Variants in SCN2A observed in about 807,000 individuals in gnomAD.
SCN2A encodes the protein sodium voltage-gated channel alpha subunit 2.
A neutral mutation model predicts 188.7 loss-of-function variants in SCN2A; 20 were observed. The ratio of observed to expected loss-of-function variants is 0.11; its 90% CI spans 0.07 to 0.15. The LOEUF (loss-of-function observed/expected upper bound fraction) is 0.15, where lower values mean the gene tolerates loss of function less well. Ranked by LOEUF, SCN2A falls within the 10% of genes least tolerant of loss-of-function variation. The pLI, the probability that SCN2A is intolerant of heterozygous loss-of-function variation, is 1.00. For synonymous variants in SCN2A, 804 were observed against 833.1 expected, an observed-to-expected ratio of 0.97 and a Z score of 0.60; for missense variants, 1,278 against 2,445.0, an observed-to-expected ratio of 0.52 and a Z score of 10.07.
chr2:165,241,020 A>C (rs1487080093), intron 1 of SCN2A: 2 of 152,138 alleles, frequency 1.3e-5, no homozygotes, highest in Non-Finnish European at 2.9e-5. Flanking sequence ...AATTACAATA[A>C]GGCAAGGCTA....
chr2:165,315,541 A>G lies in SCN2A; in HGVS notation c.1454A>G (p.Glu485Gly), dbSNP rs1697696075. 1 of 1,614,060 alleles carries G rather than the reference A, an allele frequency of 6.2e-7. No individual in the cohort carries two copies. Among genetic ancestry groups the G allele is most frequent in the African/African-American group, 1.3e-5 (1 of 75,044 alleles). ...SGAGGIGVFS[E>G]SSSVASKLSS... ...GCTGGTGGGATAGGAGTTTTTTCAG[A>G]GAGTTCTTCAGTAGCATCTAAGTTG... Residue 485 changes from glutamate (E) to glycine (G), a missense_variant, in exon 11 of 27, where the codon GAG becomes GGG. Physicochemically the swap from Glu to Gly is moderately conservative, Grantham distance 98. This residue lies in a region of SCN2A where 315 missense variants were observed against 386.6 expected (regional missense o/e 0.81). Transcript: ENST00000375437.
In SCN2A at chr2:165,389,896, A is replaced by G; in HGVS notation, c.*72A>G. Reference sequence around the variant, plus strand: ...GTGATGGTGATGTGTTTGTGTCAACAGGACTCCCACAGGAGGTCTATGCCA... The same window carrying G: ...GTGATGGTGATGTGTTTGTGTCAACGGGACTCCCACAGGAGGTCTATGCCA... On this transcript the variant is annotated 3_prime_UTR_variant, in exon 27 of 27. Transcript: ENST00000375437. The surrounding 1 kb of genome is among the most constrained non-coding windows in gnomAD (Gnocchi z 4.2). 6.5e-7 allele frequency: 1 copy of G among 1,537,084 alleles called. No individual in the cohort carries two copies. The highest frequency in any genetic ancestry group is 1.2e-5 in the South Asian group (1 of 82,616).
At chr2:165,375,924 A>C (rs1297540258) in intron 22 of SCN2A, among the ~76,000 whole-genome samples, 1 of 151,914 alleles carries the variant, frequency 6.6e-6, no homozygotes, top group Non-Finnish European at 1.5e-5. Flanking sequence ...ATTCACCTGG[A>C]GGAAATTAAG....
intron 3 of SCN2A, among the ~76,000 whole-genome samples, chr2:165,305,009 A>G (rs562850575): frequency 6.6e-6 from 1 of 152,378 alleles, no homozygotes; most frequent in South Asian, 2.1e-4. Flanking sequence ...GGAGACTGCA[A>G]TAATCTAGAT....
chr2:165,332,522 A>G (rs1280329684), intron 14 of SCN2A, among the ~76,000 whole-genome samples: 2 of 152,050 alleles, frequency 1.3e-5, no homozygotes, highest in Middle Eastern at 3.2e-3. Context: ...AACTGTATCC[A>G]TGAGAAATTA....
At chr2:165,289,373 A>C (rs353138) in intron 1 of SCN2A, among the ~76,000 whole-genome samples, 26,534 of 152,010 alleles carry the variant, frequency 0.17, 2,507 homozygotes, top group Middle Eastern at 0.28. Flanking sequence ...ATCGAAAGGA[A>C]AACATTATAG....
chr2:165,303,507 C>T (rs1696954055), intron 3 of SCN2A, among the ~76,000 whole-genome samples: 1 of 151,942 alleles, frequency 6.6e-6, no homozygotes, highest in South Asian at 2.1e-4. Context: ...GATCTCCTGA[C>T]CTCGTGATCC....
In SCN2A at chr2:165,367,200, T is replaced by G; in HGVS notation, c.3521-17T>G. ...AAGAGTAATTTTTTGTCTTCATTTT[T>G]TTCCCACATATTTTAGACTGTGTAC... On this transcript the variant is annotated splice_polypyrimidine_tract_variant and intron_variant, in intron 18 of 26. Transcript: ENST00000375437. 1 of 1,613,960 alleles carries G rather than the reference T, an allele frequency of 6.2e-7. No individual in the cohort carries two copies. Among genetic ancestry groups the G allele is most frequent in the Non-Finnish European group, 8.5e-7 (1 of 1,179,914 alleles).
intron 14 of SCN2A, 132 bp from the exon 15 acceptor site, chr2:165,342,164 A>C: frequency 1.4e-6 from 1 of 729,284 alleles, no homozygotes; most frequent in East Asian, 2.7e-5. Context: ...GTAGATACTA[A>C]GTTGTTGGAC....
chr2:165,350,397 C>G (rs1359521889), intron 16 of SCN2A, among the ~76,000 whole-genome samples: 2 of 150,408 alleles, frequency 1.3e-5, no homozygotes, highest in South Asian at 2.1e-4. Context: ...ATTTACTGAG[C>G]TAGCACATTT....
At chr2:165,255,354 A>G (rs1482186200) in intron 1 of SCN2A, among the ~76,000 whole-genome samples, 1 of 152,076 alleles carries the variant, frequency 6.6e-6, no homozygotes, top group Non-Finnish European at 1.5e-5. Flanking sequence ...CTACCCTTAC[A>G]TAAGATAAAA....
chr2:165,319,542 A>T (rs549972456), intron 11 of SCN2A, among the ~76,000 whole-genome samples: 84 of 152,302 alleles, frequency 5.5e-4, no homozygotes, highest in African/African-American at 2.0e-3. Flanking sequence ...ATAAAGTTAT[A>T]CCCAAGACTG....
intron 1 of SCN2A, among the ~76,000 whole-genome samples, chr2:165,282,031 T>C (rs1695604117): frequency 6.6e-6 from 1 of 152,114 alleles, no homozygotes; most frequent in African/African-American, 2.4e-5. Flanking sequence ...CCAGCAACTA[T>C]TGCCACCCTC....
intron 13 of SCN2A, chr2:165,327,674 G>A (rs551173173): frequency 6.6e-6 from 1 of 152,620 alleles, no homozygotes; most frequent in African/African-American, 2.4e-5. Context: ...TGTGGATGAT[G>A]ATGTTTAGGC....
At chr2:165,270,055 C>T (rs1317791647) in intron 1 of SCN2A, 2 of 151,940 alleles carry the variant, frequency 1.3e-5, no homozygotes, top group East Asian at 3.9e-4. Context: ...TCTCTTCATC[C>T]AGTTACTCTG....
intron 3 of SCN2A, among the ~76,000 whole-genome samples, chr2:165,301,603 A>T (rs1379901004): frequency 6.6e-6 from 1 of 152,230 alleles, no homozygotes; most frequent in African/African-American, 2.4e-5. Flanking sequence ...GATAAAATGT[A>T]TGACAAGTAT....
intron 1 of SCN2A, among the ~76,000 whole-genome samples, chr2:165,283,086 T>C (rs967499336): frequency 2.0e-5 from 3 of 152,076 alleles, no homozygotes; most frequent in African/African-American, 7.2e-5. Context: ...GGTAGAAATA[T>C]TAAGACTTGG....
intron 21 of SCN2A, among the ~76,000 whole-genome samples, chr2:165,374,263 T>C (rs1252230788): frequency 6.6e-6 from 1 of 152,116 alleles, no homozygotes; most frequent in Non-Finnish European, 1.5e-5. Flanking sequence ...ACCAGAATAC[T>C]GTTTATATTT....
At chr2:165,258,402 A>C (rs1459762371) in intron 1 of SCN2A, among the ~76,000 whole-genome samples, 1 of 152,180 alleles carries the variant, frequency 6.6e-6, no homozygotes, top group Non-Finnish European at 1.5e-5. Flanking sequence ...TTATCCCAGC[A>C]TTGTTTATTA....
Sources: allele counts gnomAD v4.1 joint callset (sites outside exome capture counted in the v4.1 genomes callset), GRCh38; gene constraint gnomAD v4.1.1; regional missense constraint gnomAD v4.1.1; non-coding constraint Gnocchi (gnomAD v3.1); transcripts MANE v1.5; gene names NCBI Gene and HGNC (gene_info 2026-07-23, HGNC 2026-07-21).